The following RNF150 variants were observed in gnomAD, a reference collection of about 807,000 sequenced individuals.
RNF150 encodes the protein ring finger protein 150.
A neutral mutation model predicts 39.3 loss-of-function variants in RNF150; 24 were observed. That is an observed-to-expected ratio of 0.61 (90% CI 0.44 to 0.86). RNF150 has a LOEUF of 0.86. Among genes scored for constraint, RNF150 ranks in the 40% least tolerant of loss-of-function variants. The pLI, the probability that RNF150 is intolerant of heterozygous loss-of-function variation, is 0.00. For missense variants in RNF150, 502 were observed against 587.8 expected (o/e 0.85, Z 1.51); for synonymous variants, 255 against 227.3 (o/e 1.12, Z -1.10).
chr4:141,066,284 T>C (rs1283894883), intron 1 of RNF150, among the ~76,000 whole-genome samples: 4 of 152,116 alleles, frequency 2.6e-5, no homozygotes, highest in African/African-American at 9.7e-5. Flanking sequence ...CACTATCAAT[T>C]ATACTTTAAA....
Position 141,097,934 on chromosome 4 carries a change from T to C in RNF150, c.484+34391A>G, listed in dbSNP as rs375487922. On this transcript the variant is annotated intron_variant, in intron 1 of 6. Transcript: ENST00000515673. ...CCTTGAGATTTGAGACAAATTCAAC[T>C]AGTAAAAGCTGCCAGTGAATTCAAA... Among the ~76,000 whole-genome samples, 21 of 152,318 alleles carry C rather than the reference T, an allele frequency of 1.4e-4. No homozygotes were observed. In the South Asian group the frequency reaches 4.4e-3, roughly 32 times the overall value.
At chr4:141,008,834 GTTC>G (rs1243407603) in intron 1 of RNF150, among the ~76,000 whole-genome samples, 2 of 151,464 alleles carry the variant, frequency 1.3e-5, no homozygotes, top group Non-Finnish European at 2.9e-5. Context: ...GGTGGTGTAA[GTTC>G]TTCTTCCTTC....
chr4:140,914,948 C>T (rs1463854761), intron 5 of RNF150, among the ~76,000 whole-genome samples: 1 of 151,898 alleles, frequency 6.6e-6, no homozygotes, highest in East Asian at 1.9e-4. Context: ...TTTGTTAAAA[C>T]AACAAAAACA....
At chr4:140,915,560 A>C (rs1730786028) in intron 5 of RNF150, among the ~76,000 whole-genome samples, 1 of 152,184 alleles carries the variant, frequency 6.6e-6, no homozygotes, top group Admixed American at 6.5e-5. Flanking sequence ...AGTAGAACGA[A>C]AGTGATTTAT....
At chr4:141,025,728 A>AT (rs1300618113) in intron 1 of RNF150, among the ~76,000 whole-genome samples, 2 of 152,198 alleles carry the variant, frequency 1.3e-5, no homozygotes, top group African/African-American at 4.8e-5. Flanking sequence ...TAGGATGTTT[A>AT]TTAGCATTAT....
intron 5 of RNF150, among the ~76,000 whole-genome samples, chr4:140,915,671 C>T (rs1430308347): frequency 5.9e-5 from 9 of 152,200 alleles, no homozygotes; most frequent in Admixed American, 3.3e-4. Context: ...GCTTAAATGT[C>T]CCTGTCTGAC....
intron 4 of RNF150, among the ~76,000 whole-genome samples, chr4:140,941,590 C>G (rs1732083879): frequency 6.6e-6 from 1 of 152,000 alleles, no homozygotes; most frequent in Non-Finnish European, 1.5e-5. Context: ...GTAAAAGTAC[C>G]TAAAGCCAGC....
At chr4:141,111,554 T>C (rs1242985315) in intron 1 of RNF150, among the ~76,000 whole-genome samples, 1 of 152,212 alleles carries the variant, frequency 6.6e-6, no homozygotes, top group Non-Finnish European at 1.5e-5. Flanking sequence ...AAAGGAATAC[T>C]AAAGCTTTCT....
chr4:140,958,274 G>A (rs1732864972), intron 2 of RNF150, among the ~76,000 whole-genome samples: 1 of 152,054 alleles, frequency 6.6e-6, no homozygotes. Flanking sequence ...CCTCATGGAT[G>A]CTGAGGGATA....
At chr4:141,086,926 T>C (rs1738388855) in intron 1 of RNF150, among the ~76,000 whole-genome samples, 1 of 152,128 alleles carries the variant, frequency 6.6e-6, no homozygotes, top group African/African-American at 2.4e-5. Flanking sequence ...TTTCCTCTTT[T>C]TTTGGCGTTA....
chr4:140,899,966 CTCTCTCTCTGTGTGTGTG>C (rs752597725), intron 6 of RNF150, among the ~76,000 whole-genome samples: 1 of 117,224 alleles, frequency 8.5e-6, no homozygotes, highest in Non-Finnish European at 1.8e-5. Flanking sequence ...CTCTCTCTCT[CTCTCTCTCTGTGTGTGTG>C]TGTGTGTGTG....
intron 1 of RNF150, among the ~76,000 whole-genome samples, chr4:141,021,819 T>C (rs1578640368): frequency 6.6e-6 from 1 of 152,320 alleles, no homozygotes; most frequent in Non-Finnish European, 1.5e-5. Context: ...TCATGCCCCA[T>C]GCCAAAGCCC....
At chr4:140,881,613 G>A (rs1465058969) in intron 6 of RNF150, among the ~76,000 whole-genome samples, 1 of 151,928 alleles carries the variant, frequency 6.6e-6, no homozygotes, top group Non-Finnish European at 1.5e-5. Context: ...GGGGGCTCAT[G>A]CCTGTAAACT....
At chr4:141,000,036 A>G (rs28660548) in intron 1 of RNF150, among the ~76,000 whole-genome samples, 1,792 of 55,452 alleles carry the variant, frequency 0.032, 346 homozygotes, top group African/African-American at 0.066. Context: ...GAAGAAGAAG[A>G]AGAAGAAGAA....
In RNF150 at chr4:141,194,877, G is replaced by T. The variant is rs116624945; in HGVS notation, c.-6+17917C>A. On this transcript the variant is annotated intron_variant, in intron 1 of 7. Coordinates refer to the RNF150 transcript ENST00000420921. ...ATCTTGTGCTTCAGTTGCCTGCTCG[G>T]AAAAATGGGATAATAGTGGTATCTA... Among the ~76,000 whole-genome samples the T allele has an allele frequency of 1.5e-3, 231 of 152,206 alleles. 1 individual carries two copies. Among genetic ancestry groups the T allele is most frequent in the African/African-American group, 5.2e-3 (215 of 41,540 alleles).
chr4:140,910,553 A>G (rs1291295030), intron 6 of RNF150, among the ~76,000 whole-genome samples: 2 of 152,198 alleles, frequency 1.3e-5, no homozygotes, highest in Admixed American at 6.5e-5. Context: ...TTTAGTATTC[A>G]GGGCCACTGT....
intron 1 of RNF150, among the ~76,000 whole-genome samples, chr4:141,128,440 T>A (rs1726806825): frequency 6.6e-6 from 1 of 152,184 alleles, no homozygotes; most frequent in South Asian, 2.1e-4. Flanking sequence ...TCCTATTTAA[T>A]TAGTGCCCTA....
chr4:140,962,658 A>G (rs981793274), intron 2 of RNF150, among the ~76,000 whole-genome samples: 1 of 151,992 alleles, frequency 6.6e-6, no homozygotes, highest in Non-Finnish European at 1.5e-5. Context: ...CAGTCATCAA[A>G]GAATCTATAT....
chr4:140,990,297 C>T lies in RNF150; in HGVS notation c.485-22424G>A, dbSNP rs533452196. On this transcript the variant is annotated intron_variant, in intron 1 of 6. Transcript: ENST00000515673. ...TTATTTTCTCTTTCGTAAATGACTC[C>T]GAAGTAAAATAAAATGATAGCTTTC... 3.4e-4 allele frequency among the ~76,000 whole-genome samples: 52 copies of T among 152,148 alleles called. 1 individual carries two copies. Among genetic ancestry groups the T allele is most frequent in the Admixed American group, 2.3e-3 (35 of 15,266 alleles).
Sources: allele counts gnomAD v4.1 joint callset (sites outside exome capture counted in the v4.1 genomes callset), GRCh38; gene constraint gnomAD v4.1.1; transcripts MANE v1.5; gene names NCBI Gene and HGNC (gene_info 2026-07-23, HGNC 2026-07-21).